The following REL variants were observed in gnomAD, a reference collection of about 807,000 sequenced individuals.
REL encodes proto-oncogene c-Rel.
A neutral mutation model predicts 45.9 loss-of-function variants in REL; 15 were observed. The observed-to-expected ratio is 0.33, with a 90% CI of 0.22 to 0.50. The LOEUF is 0.50. Ranked by LOEUF, REL falls within the 20% of genes least tolerant of loss-of-function variation. The pLI is 0.98. For synonymous variants in REL, 239 were observed against 242.1 expected (o/e 0.99, Z 0.12); for missense variants, 601 against 715.2 (o/e 0.84, Z 1.82).
At position 60,921,804 on chromosome 2, in the gene REL, C is replaced by A. The variant is rs772339483; in HGVS notation, c.1033C>A (p.Pro345Thr). 1.9e-6 allele frequency: 3 copies of A among 1,613,802 alleles called. No homozygotes were observed. The Admixed American group carries it at 5.0e-5, about 27-fold the overall frequency. The change falls in exon 10 of 10, where the codon CCT (proline) becomes ACT (threonine). Residue 345 changes from proline (P) to threonine (T), a missense_variant. Around this residue, in one of 4 missense-constraint regions of REL, gnomAD observed 334 missense variants for 333.1 expected, o/e 1.00. Coordinates refer to ENST00000394479, the MANE Select transcript of REL (RefSeq NM_001291746.2). ...FSHDAVVREM[P>T]TGVSSQAESY... ...TCATGATGCAGTTGTGAGAGAAATG[C>A]CTACAGGGGTTTCAAGTCAAGCAGA...
intron 4 of REL, among the ~76,000 whole-genome samples, chr2:60,909,430 T>G (rs148775514): frequency 2.0e-5 from 3 of 152,274 alleles, no homozygotes; most frequent in African/African-American, 7.2e-5. Flanking sequence ...TTTATATTTT[T>G]CCTTAAGTGA....
rs867679360 is a variant in REL at position 60,911,930 on chromosome 2, G to A, written c.395-4947G>A. ...GGAGAATCACTTGAACCCGGGAGGC[G>A]GAGGTTGCAGTGAGCTGAGATCGTG... On this transcript the variant is annotated intron_variant, in intron 4 of 9. Coordinates refer to ENST00000394479, the MANE Select transcript of REL (RefSeq NM_001291746.2). Among the ~76,000 whole-genome samples, 5 of 150,196 alleles carry A rather than the reference G, an allele frequency of 3.3e-5. No homozygotes were observed. The South Asian group carries it at 6.4e-4, about 19-fold the overall frequency.
chr2:60,918,087 A>C, intron 5 of REL, 104 bp from the exon 6 acceptor site: 1 of 678,772 alleles, frequency 1.5e-6, no homozygotes, highest in South Asian at 2.0e-5. Flanking sequence ...CTATACACTA[A>C]AACTTTTATT....
At chr2:60,914,827 G>GTTT (rs1416967378) in intron 4 of REL, among the ~76,000 whole-genome samples, 2 of 130,378 alleles carry the variant, frequency 1.5e-5, no homozygotes, top group African/African-American at 5.8e-5. Context: ...CCCATAGCTT[G>GTTT]TTTTTTTGTT....
At chr2:60,881,991 T>G (rs1672952222) in intron 1 of REL, 141 bp downstream of exon 1, 1 of 550,996 alleles carries the variant, frequency 1.8e-6, no homozygotes, top group South Asian at 3.0e-5. Flanking sequence ...ATTGTCAGCT[T>G]TTAAAAAAGT....
chr2:60,913,834 G>T (rs1297522048), intron 4 of REL, among the ~76,000 whole-genome samples: 1 of 152,086 alleles, frequency 6.6e-6, no homozygotes, highest in African/African-American at 2.4e-5. Context: ...AATTGGTCCA[G>T]TTTACAGATT....
chr2:60,891,978 G>A (rs1673227389), intron 2 of REL, among the ~76,000 whole-genome samples, 153 bp downstream of exon 2: 1 of 151,416 alleles, frequency 6.6e-6, no homozygotes, highest in Non-Finnish European at 1.5e-5. Context: ...CTGTCAAAAA[G>A]ACATCTATTA....
chr2:60,881,881 G>C (rs542918719), intron 1 of REL, 31 bp downstream of exon 1: 42 of 1,432,410 alleles, frequency 2.9e-5, no homozygotes, highest in South Asian at 2.2e-4. Flanking sequence ...GGCCTGGGCC[G>C]GGGGAAAGGA....
At chr2:60,906,821 CTG>C (rs532252906) in intron 4 of REL, among the ~76,000 whole-genome samples, 7 of 148,114 alleles carry the variant, frequency 4.7e-5, no homozygotes, top group East Asian at 2.0e-4. Context: ...CCCAAAGTAC[CTG>C]TGTGTGTGTG....
intron 1 of REL, among the ~76,000 whole-genome samples, chr2:60,884,195 T>TA (rs1215433856): frequency 6.6e-6 from 1 of 152,062 alleles, no homozygotes; most frequent in Non-Finnish European, 1.5e-5. Flanking sequence ...AAGTAACTTT[T>TA]ATTCATTACG....
In REL at chr2:60,924,502, C is replaced by T. The variant is rs1322601098; in HGVS notation, c.*1967C>T. The T allele has an allele frequency of 3.2e-5, 7 of 215,708 alleles. No individual in the cohort carries two copies. In the East Asian group the frequency reaches 4.2e-4, roughly 13 times the overall value. 13.4% of individuals were successfully genotyped at this position (215,708 alleles called of 1,614,324 possible). On this transcript the variant is annotated 3_prime_UTR_variant, in exon 10 of 10. Transcript: ENST00000394479. ...AGTGTGACATTGGGTTTATGAGAAT[C>T]GTGTACATTCAAGTCCAGGAATAAT...
intron 1 of REL, among the ~76,000 whole-genome samples, chr2:60,883,122 CTAAATGCATGT>C (rs1026407344): frequency 1.1e-4 from 17 of 152,156 alleles, no homozygotes; most frequent in African/African-American, 4.1e-4. Context: ...GCAGGGAGGG[CTAAATGCATGT>C]TAAATGCTGT....
rs1445463727 is a variant in REL, at chr2:60,926,367, A to G, written c.*3832A>G. On this transcript the variant is annotated 3_prime_UTR_variant, in exon 10 of 10. Coordinates refer to ENST00000394479, the MANE Select transcript of REL (RefSeq NM_001291746.2). ...CCAGCCATCTCTGTCTTTAGCTCCTACAATTTTCTTAGGATATTCTGGGAA... is the reference window on the plus strand; with the variant it reads ...CCAGCCATCTCTGTCTTTAGCTCCTGCAATTTTCTTAGGATATTCTGGGAA... 3 of 232,080 alleles carry G rather than the reference A, an allele frequency of 1.3e-5. No homozygotes were observed. The highest frequency in any genetic ancestry group is 2.6e-5 in the Non-Finnish European group (3 of 117,372). 14.4% of individuals were successfully genotyped at this position (232,080 alleles called of 1,614,324 possible).
At position 60,928,697 on chromosome 2, in the gene REL, G is replaced by A. The variant is rs1469562420; in HGVS notation, c.*6162G>A. On this transcript the variant is annotated 3_prime_UTR_variant, in exon 10 of 10. Transcript: ENST00000394479. ...TTCAAGATGGATTAAAGACTTAAAC[G>A]TTAGACCTAAAACCATAAAAACCCT... 3.1e-5 allele frequency: 4 copies of A among 128,940 alleles called. No individual in the cohort carries two copies. The highest frequency in any genetic ancestry group is 8.6e-5 in the African/African-American group (3 of 35,008). 8.0% of individuals were successfully genotyped at this position (128,940 alleles called of 1,614,324 possible). A position where few individuals can be genotyped will look rare whatever the true frequency, so the allele number is the denominator to read the frequency against.
At chr2:60,889,236 T>G (rs1673145592) in intron 1 of REL, among the ~76,000 whole-genome samples, 2 of 152,200 alleles carry the variant, frequency 1.3e-5, no homozygotes, top group African/African-American at 4.8e-5. Flanking sequence ...GCTCTTTTGC[T>G]TCATTAACCG....
intron 5 of REL, among the ~76,000 whole-genome samples, chr2:60,917,882 G>A (rs1178047977): frequency 2.0e-5 from 3 of 152,194 alleles, no homozygotes; most frequent in South Asian, 2.1e-4. Flanking sequence ...TTGCCATGGG[G>A]ATGTGGTCAT....
intron 3 of REL, among the ~76,000 whole-genome samples, chr2:60,896,158 C>T (rs1673342227): frequency 1.3e-5 from 2 of 151,968 alleles, no homozygotes; most frequent in African/African-American, 4.8e-5. Context: ...CATGTGCCAC[C>T]ATGCCCAGCT....
Position 60,928,307 on chromosome 2 carries a change from G to T in REL, c.*5772G>T, listed in dbSNP as rs1371604366. 6.5e-6 allele frequency: 1 copy of T among 152,688 alleles called. No homozygotes were observed. The highest frequency in any genetic ancestry group is 1.5e-5 in the Non-Finnish European group (1 of 68,446). The allele number at this position is 152,688 out of a possible 1,614,324, so 9.5% of individuals were successfully genotyped here. ...CAAGCTACCAATGCCTTTCTTCACA[G>T]AATTGGAAAAAACTACTTTAAAGTT... On this transcript the variant is annotated 3_prime_UTR_variant, in exon 10 of 10. Coordinates refer to ENST00000394479, the MANE Select transcript of REL (RefSeq NM_001291746.2).
chr2:60,906,601 C>A (rs1673657537), intron 4 of REL, among the ~76,000 whole-genome samples: 1 of 152,090 alleles, frequency 6.6e-6, no homozygotes. Context: ...CTTCCTCTAC[C>A]ACTGAGTGCA....
Sources: gnomAD v4.1 joint callset for allele counts (sites outside exome capture counted in the v4.1 genomes callset) on GRCh38, gnomAD v4.1.1 for gene constraint, gnomAD v4.1.1 regional missense constraint, MANE v1.5 for transcripts, NCBI Gene and HGNC (gene_info 2026-07-23, HGNC 2026-07-21) for gene names.